Variants in DNAH9 observed in about 807,000 individuals in gnomAD.
DNAH9 encodes DNAH9 variant protein.
Under a neutral mutation model 471.6 loss-of-function variants are expected in DNAH9, and 345 were observed. The observed-to-expected ratio is 0.73, with a 90% CI of 0.67 to 0.80. The LOEUF is 0.80. DNAH9 is among the 30% of genes least tolerant of loss of function. DNAH9 has a pLI of 0.00. For missense variants in DNAH9, 5,407 were observed against 5,609.2 expected (o/e 0.96, Z 1.15); for synonymous variants, 2,093 against 2,123.6 (o/e 0.99, Z 0.40).
chr17:11,866,926 C>T (rs1972077780), intron 50 of DNAH9, among the ~76,000 whole-genome samples: 1 of 152,230 alleles, frequency 6.6e-6, no homozygotes. Flanking sequence ...CATCTGTCAC[C>T]CGTTTCTTTG....
chr17:11,823,535 T>G (rs1970387385), intron 48 of DNAH9, among the ~76,000 whole-genome samples: 1 of 152,234 alleles, frequency 6.6e-6, no homozygotes, highest in East Asian at 1.9e-4. Context: ...CTCTGTTATT[T>G]GTCAAAGAGC....
Position 11,834,715 on chromosome 17 carries a change from T to G in DNAH9, c.9324T>G (p.Ile3108Met). 1 of 1,614,072 alleles carries G rather than the reference T, an allele frequency of 6.2e-7. No homozygotes were observed. The highest frequency in any genetic ancestry group is 8.5e-7 in the Non-Finnish European group (1 of 1,180,004). ...KQKNEDADKL[I>M]QVVGVETDKV... ...AAAATGAAGATGCAGACAAACTGAT[T>G]CAGGTCGTGGGTGTGGAGACTGACA... is the stretch of plus-strand genomic sequence containing the variant. The change falls in exon 49 of 69, where the codon ATT becomes ATG. Residue 3108 changes from isoleucine (I) to methionine (M), a missense_variant. Ile to Met is a conservative substitution (Grantham distance 10, BLOSUM62 1). Coordinates refer to ENST00000262442, the MANE Select transcript of DNAH9 (RefSeq NM_001372.4).
rs535702718 is a variant in DNAH9, at chr17:11,759,373, A to G, written c.6995+1681A>G. Among the ~76,000 whole-genome samples, 24 of 152,146 alleles carry G rather than the reference A, an allele frequency of 1.6e-4. No homozygotes were observed. The South Asian group carries it at 4.6e-3, about 29-fold the overall frequency. On this transcript the variant is annotated intron_variant, in intron 35 of 68. Coordinates refer to ENST00000262442, the MANE Select transcript of DNAH9 (RefSeq NM_001372.4). Reference sequence around the variant, plus strand: ...CTCCCACTTATAAGTGAGAACATGCAGTTTTTGACTATCCATTTTGCGGTC... The same window carrying G: ...CTCCCACTTATAAGTGAGAACATGCGGTTTTTGACTATCCATTTTGCGGTC...
In DNAH9 at chr17:11,598,864, C is replaced by T; in HGVS notation, c.366C>T (p.Cys122=). Reference sequence around the variant, plus strand: ...ACAGCTTCCGCGGCGCAGTGGTCTGCGGGGACCTGCCCGCGGCACCTCTGG... The same window carrying T: ...ACAGCTTCCGCGGCGCAGTGGTCTGTGGGGACCTGCCCGCGGCACCTCTGG... ...GPDSFRGAVV[C]GDLPAAPLEH... Residue 122 remains cysteine, a synonymous_variant, in exon 1 of 69, where the codon TGC becomes TGT. Coordinates refer to ENST00000262442, the MANE Select transcript of DNAH9 (RefSeq NM_001372.4). 1 of 1,541,150 alleles carries T rather than the reference C, an allele frequency of 6.5e-7. No individual in the cohort carries two copies. The highest frequency in any genetic ancestry group is 8.7e-7 in the Non-Finnish European group (1 of 1,150,316).
At chr17:11,785,857 A>C (rs1968850775) in intron 41 of DNAH9, among the ~76,000 whole-genome samples, 1 of 152,208 alleles carries the variant, frequency 6.6e-6, no homozygotes, top group Non-Finnish European at 1.5e-5. Flanking sequence ...CCAATGAGGA[A>C]AATAAGCATG....
chr17:11,877,077 G>A (rs1162162248), intron 53 of DNAH9, among the ~76,000 whole-genome samples: 1 of 151,802 alleles, frequency 6.6e-6, no homozygotes, highest in Non-Finnish European at 1.5e-5. Flanking sequence ...GCACAACAGT[G>A]TACTTAAAGC....
chr17:11,856,473 G>A (rs766045269), intron 50 of DNAH9, among the ~76,000 whole-genome samples: 25 of 151,718 alleles, frequency 1.6e-4, no homozygotes, highest in Non-Finnish European at 3.4e-4. Context: ...GTCAAGGCAG[G>A]AGGATCATGA....
intron 59 of DNAH9, among the ~76,000 whole-genome samples, chr17:11,901,898 G>A (rs1296032931): frequency 6.6e-6 from 1 of 152,190 alleles, no homozygotes; most frequent in African/African-American, 2.4e-5. Flanking sequence ...AAGGATGGGA[G>A]GTCTACATGT....
At chr17:11,952,666 C>G (rs923912897) in intron 67 of DNAH9, among the ~76,000 whole-genome samples, 5 of 152,080 alleles carry the variant, frequency 3.3e-5, no homozygotes, top group African/African-American at 4.8e-5. Flanking sequence ...AATACTTCAT[C>G]CTGCCCCTAA....
At chr17:11,908,413 G>A (rs1360311340) in intron 61 of DNAH9, among the ~76,000 whole-genome samples, 4 of 152,162 alleles carry the variant, frequency 2.6e-5, no homozygotes, top group Non-Finnish European at 5.9e-5. Flanking sequence ...ATCATGAGCA[G>A]CACAAAGTCA....
chr17:11,818,659 A>G (rs542477268), intron 45 of DNAH9, among the ~76,000 whole-genome samples: 1 of 152,256 alleles, frequency 6.6e-6, no homozygotes, highest in South Asian at 2.1e-4. Context: ...ACAGCTACCT[A>G]AAGACTTGTT....
chr17:11,918,586 T>TAG (rs1266438314), intron 61 of DNAH9, among the ~76,000 whole-genome samples: 1 of 152,136 alleles, frequency 6.6e-6, no homozygotes. Context: ...GTACAGTCTT[T>TAG]AGAGAGAGGA....
chr17:11,606,448 C>CTTT (rs1156988834), intron 1 of DNAH9, among the ~76,000 whole-genome samples: 14 of 97,038 alleles, frequency 1.4e-4, no homozygotes, highest in African/African-American at 5.3e-4. Flanking sequence ...CTTTTCTTTT[C>CTTT]TTTTCTTTTT....
At position 11,769,233 on chromosome 17, in the gene DNAH9, G is replaced by T. The variant is rs144734617; in HGVS notation, c.7456G>T (p.Val2486Leu). 316 of 1,614,060 alleles carry T rather than the reference G, an allele frequency of 2.0e-4. 1 individual carries two copies. In the African/African-American group the frequency reaches 3.3e-3, roughly 17 times the overall value. Residue 2486 changes from valine to leucine, a missense_variant, in exon 38 of 69, where the codon GTG becomes TTG. Physicochemically the swap from Val to Leu is conservative, Grantham distance 32 (BLOSUM62 1). Around this residue, in one of 3 missense-constraint regions of DNAH9, gnomAD observed 4,636 missense variants for 4,900.3 expected, o/e 0.95. Coordinates refer to ENST00000262442, the MANE Select transcript of DNAH9 (RefSeq NM_001372.4). ...LVGTAGTGKS[V>L]LVGAKLASLD... ...GGGCACGGCTGGCACTGGCAAGTCG[G>T]TGCTGGTGGGAGCTAAGCTGGCCAG...
At chr17:11,613,083 T>C (rs2072670804) in intron 4 of DNAH9, among the ~76,000 whole-genome samples, 1 of 152,216 alleles carries the variant, frequency 6.6e-6, no homozygotes, top group African/African-American at 2.4e-5. Flanking sequence ...GCATAAGTTG[T>C]TAGTCTCTGA....
chr17:11,665,254 G>A (rs1282412414), intron 15 of DNAH9, among the ~76,000 whole-genome samples: 4 of 152,216 alleles, frequency 2.6e-5, no homozygotes, highest in African/African-American at 9.7e-5. Flanking sequence ...TCAGTAAAGA[G>A]GAGTGACCAC....
Position 11,942,400 on chromosome 17 carries a change from T to C in DNAH9, c.12758T>C (p.Val4253Ala), listed in dbSNP as rs561226711. ...GTGGAGGAGCGCACCCCTTACATTG[T>C]AGTTGCCTTCCAGGAGTGTGGCCGG... ...AKVEERTPYI[V>A]VAFQECGRMN... The change falls in exon 67 of 69, where the codon GTA becomes GCA. Residue 4253 changes from valine to alanine, a missense_variant. Transcript: ENST00000262442. 2.5e-6 allele frequency: 4 copies of C among 1,614,186 alleles called. No homozygotes were observed. The highest frequency in any genetic ancestry group is 1.3e-5 in the African/African-American group (1 of 75,050).
At chr17:11,605,150 C>A (rs1352439218) in intron 1 of DNAH9, among the ~76,000 whole-genome samples, 1 of 152,152 alleles carries the variant, frequency 6.6e-6, no homozygotes, top group African/African-American at 2.4e-5. Context: ...CTTCTCCCTG[C>A]AATATACTTC....
At chr17:11,724,090 CAAT>C (rs1403883906) in intron 27 of DNAH9, among the ~76,000 whole-genome samples, 3 of 151,966 alleles carry the variant, frequency 2.0e-5, no homozygotes, top group Non-Finnish European at 2.9e-5. Flanking sequence ...TCAATAATAT[CAAT>C]AATAATTATG....
Sources: allele counts gnomAD v4.1 joint callset (sites outside exome capture counted in the v4.1 genomes callset), GRCh38; gene constraint gnomAD v4.1.1; regional missense constraint gnomAD v4.1.1; transcripts MANE v1.5; gene names NCBI Gene and HGNC (gene_info 2026-07-23, HGNC 2026-07-21).